The following TOLLIP variants were observed in gnomAD, a reference collection of about 807,000 sequenced individuals.
TOLLIP encodes toll interacting protein, also known as toll-interacting protein.
TOLLIP carries 16 observed loss-of-function variants against 33.5 expected under a neutral mutation model. The observed-to-expected ratio is 0.48, with a 90% CI of 0.32 to 0.72. The LOEUF is 0.72. TOLLIP is among the 30% of genes least tolerant of loss of function. The probability of loss-of-function intolerance (pLI) is 0.03; values close to 1 mark genes in which losing one functional copy is unlikely to be tolerated. For synonymous variants in TOLLIP, 176 were observed against 163.7 expected (o/e 1.07, Z -0.57); for missense variants, 325 against 396.6 (o/e 0.82, Z 1.53).
rs1863263317 is a variant in TOLLIP at position 1,275,426 on chromosome 11, A to G, written c.*1613T>C. On this transcript the variant is annotated 3_prime_UTR_variant, in exon 6 of 6. Transcript: ENST00000317204. ...CTAGAACGTTCCAGTCCCGCCTGACACCTTCATTCCCAATGGAGAAGAAAT... is the reference window on the plus strand; with the variant it reads ...CTAGAACGTTCCAGTCCCGCCTGACGCCTTCATTCCCAATGGAGAAGAAAT... The G allele has an allele frequency of 6.7e-6, 1 of 149,754 alleles. No individual in the cohort carries two copies. Among genetic ancestry groups the G allele is most frequent in the East Asian group, 2.0e-4 (1 of 5,006 alleles). 9.3% of individuals were successfully genotyped at this position (149,754 alleles called of 1,614,324 possible).
chr11:1,291,965 T>C (rs12280761), intron 2 of TOLLIP: 34,810 of 152,338 alleles, frequency 0.23, 4,162 homozygotes, highest in African/African-American at 0.28. Flanking sequence ...TTTCTATTCT[T>C]GTCCACATAC....
Position 1,280,287 on chromosome 11 carries a change from T to C in TOLLIP, c.611-3034A>G, listed in dbSNP as rs1396381464. Among the ~76,000 whole-genome samples the C allele has an allele frequency of 3.3e-5, 5 of 152,246 alleles. No homozygotes were observed. The East Asian group carries it at 7.7e-4, about 23-fold the overall frequency. On this transcript the variant is annotated intron_variant, in intron 5 of 5. Transcript: ENST00000317204. Reference sequence around the variant, plus strand: ...GGCCCTCTCTGGAACTCACAGGCGCTGCGAACGCCGGCTGCTCCCGTGCAT... The same window carrying C: ...GGCCCTCTCTGGAACTCACAGGCGCCGCGAACGCCGGCTGCTCCCGTGCAT...
chr11:1,309,263 T>C (rs1377672097), intron 1 of TOLLIP, among the ~76,000 whole-genome samples: 2 of 152,068 alleles, frequency 1.3e-5, no homozygotes, highest in African/African-American at 2.4e-5. Context: ...TCAAGCCTCC[T>C]GCAGCGTGGG....
intron 2 of TOLLIP, among the ~76,000 whole-genome samples, chr11:1,292,874 G>A (rs369566335): frequency 1.3e-5 from 2 of 152,280 alleles, no homozygotes; most frequent in African/African-American, 4.8e-5. Flanking sequence ...GGATCTGGAG[G>A]AAGAGCTGCA....
At chr11:1,286,244 G>GA in intron 4 of TOLLIP, 152 bp from the exon 5 acceptor site, 1 of 619,850 alleles carries the variant, frequency 1.6e-6, no homozygotes, top group Non-Finnish European at 2.9e-6. Flanking sequence ...CACGAGCCCT[G>GA]AGTGCACAGG....
intron 1 of TOLLIP, among the ~76,000 whole-genome samples, chr11:1,300,447 T>C (rs1045246311): frequency 1.3e-5 from 2 of 152,236 alleles, no homozygotes; most frequent in African/African-American, 4.8e-5. Context: ...AAGTTTTAGT[T>C]TTGGCACAGA....
intron 5 of TOLLIP, among the ~76,000 whole-genome samples, chr11:1,284,198 T>C (rs999687984): frequency 1.3e-5 from 2 of 152,122 alleles, no homozygotes; most frequent in African/African-American, 4.8e-5. Flanking sequence ...TCTGCCAAGG[T>C]GCTGGCTCTT....
chr11:1,293,917 C>T (rs967900205), intron 2 of TOLLIP, among the ~76,000 whole-genome samples: 3 of 152,256 alleles, frequency 2.0e-5, no homozygotes, highest in Non-Finnish European at 4.4e-5. Flanking sequence ...AACAGCTGCA[C>T]AAGCAAGGGT....
rs1435892694 is a variant in TOLLIP, at chr11:1,303,915, A to G, written c.33+5551T>C. Among the ~76,000 whole-genome samples the G allele has an allele frequency of 1.3e-5, 2 of 152,132 alleles. No individual in the cohort carries two copies. Among genetic ancestry groups the G allele is most frequent in the African/African-American group, 4.8e-5 (2 of 41,426 alleles). On this transcript the variant is annotated intron_variant, in intron 1 of 5. Coordinates refer to ENST00000317204, the MANE Select transcript of TOLLIP (RefSeq NM_019009.4). This position sits in a 1 kb window ranked among gnomAD's most constrained non-coding sequence, Gnocchi z 4.2. Reference sequence around the variant, plus strand: ...GCTGGGCGTGGTGGTGGACGCCTGTAATCCCAGCTACTCGGGAGTCTGAGG... The same window carrying G: ...GCTGGGCGTGGTGGTGGACGCCTGTGATCCCAGCTACTCGGGAGTCTGAGG...
intron 1 of TOLLIP, chr11:1,298,289 A>AG (rs1242640053): frequency 6.6e-6 from 1 of 152,174 alleles, no homozygotes; most frequent in Non-Finnish European, 1.5e-5. Context: ...GGGCACACGT[A>AG]GGGGACAGAC....
intron 1 of TOLLIP, among the ~76,000 whole-genome samples, chr11:1,297,522 T>C (rs1564977124): frequency 6.6e-6 from 1 of 152,262 alleles, no homozygotes; most frequent in Admixed American, 6.5e-5. Context: ...GCAGCCAGCA[T>C]GGCGTGTGCT....
chr11:1,295,157 G>A (rs5743937), intron 2 of TOLLIP, among the ~76,000 whole-genome samples: 111,605 of 151,864 alleles, frequency 0.73, 42,032 homozygotes, highest in Non-Finnish European at 0.84. Context: ...CAAAATCGGC[G>A]TTCAATCTGC....
rs2133893064 is a variant in TOLLIP at position 1,286,090 on chromosome 11, C to G, written c.522G>C (p.Leu174=). ...GMINLVMSYA[L]LPAAMVMPPQ... is the part of the protein sequence containing the mutation. ...GTGGCATCACCATGGCAGCTGGAAG[C>G]AGCTGAAACACAGCGGAGATGGTCC... The change falls in exon 5 of 6, where the codon CTG becomes CTC. Residue 174 remains leucine, a splice_region_variant and synonymous_variant. Transcript: ENST00000317204. 1 of 1,594,232 alleles carries G rather than the reference C, an allele frequency of 6.3e-7. No individual in the cohort carries two copies. The highest frequency in any genetic ancestry group is 2.3e-5 in the East Asian group (1 of 44,248).
chr11:1,289,972 C>T (rs997608623), intron 3 of TOLLIP: 12 of 495,388 alleles, frequency 2.4e-5, no homozygotes, highest in African/African-American at 1.7e-4. Flanking sequence ...GGAGGGGACA[C>T]GTGCACGCTG....
intron 5 of TOLLIP, among the ~76,000 whole-genome samples, chr11:1,281,886 C>T (rs1045837511): frequency 3.9e-5 from 6 of 152,358 alleles, no homozygotes; most frequent in Admixed American, 6.5e-5. Flanking sequence ...CTTGCCTAGT[C>T]GGCCCGAGAC....
At chr11:1,299,547 G>A (rs779921833) in intron 1 of TOLLIP, among the ~76,000 whole-genome samples, 35 of 152,254 alleles carry the variant, frequency 2.3e-4, no homozygotes, top group Admixed American at 1.2e-3. Context: ...ATATGATGAT[G>A]GAGGAACTAT....
intron 5 of TOLLIP, chr11:1,283,303 C>A: frequency 3.2e-6 from 1 of 316,900 alleles, no homozygotes; most frequent in South Asian, 2.5e-5. Context: ...AGATGGGGAC[C>A]CCTCCAGGCC....
chr11:1,299,008 A>G (rs531742987), intron 1 of TOLLIP, among the ~76,000 whole-genome samples: 1 of 152,354 alleles, frequency 6.6e-6, no homozygotes, highest in East Asian at 1.9e-4. Context: ...ACAGTCATCG[A>G]AAAACCAGGA....
At position 1,288,740 on chromosome 11, in the gene TOLLIP, G is replaced by C. The variant is rs1190430231; in HGVS notation, c.403C>G (p.His135Asp). The C allele has an allele frequency of 6.2e-7, 1 of 1,612,814 alleles. No individual in the cohort carries two copies. The highest frequency in any genetic ancestry group is 2.2e-5 in the East Asian group (1 of 44,880). ...CTCAGGGACTCCGGGATGGTGATGT[G>C]GGTCCAGGCAATGCGGTCGTCCATG... Reference protein sequence around the residue: ...FSMDDRIAWTHITIPESLRQG... With the variant: ...FSMDDRIAWTDITIPESLRQG... Residue 135 changes from histidine (H) to aspartate (D), a missense_variant, in exon 4 of 6, where the codon CAC becomes GAC. His to Asp is a moderately conservative substitution (Grantham distance 81, BLOSUM62 -1). Transcript: ENST00000317204.
Sources: gnomAD v4.1 joint callset for allele counts (sites outside exome capture counted in the v4.1 genomes callset) on GRCh38, gnomAD v4.1.1 for gene constraint, Gnocchi (gnomAD v3.1) non-coding constraint, MANE v1.5 for transcripts, NCBI Gene and HGNC (gene_info 2026-07-23, HGNC 2026-07-21) for gene names.